Variants in USP32 observed in about 807,000 individuals in gnomAD.
The protein encoded by USP32 is ubiquitin specific peptidase 32, also known as ubiquitin carboxyl-terminal hydrolase 32.
In USP32, 59 loss-of-function variants were observed where a neutral mutation model predicts 204.8. The observed-to-expected ratio is 0.29, with a 90% CI of 0.23 to 0.36. USP32 has a LOEUF of 0.36. USP32 is among the 10% of genes least tolerant of loss of function. The pLI is 1.00. For synonymous variants in USP32, 517 were observed against 678.4 expected (o/e 0.76, Z 3.70); for missense variants, 1,160 against 1,946.4 (o/e 0.60, Z 7.60).
At chr17:60,346,905 A>C (rs1032047700) in intron 1 of USP32, among the ~76,000 whole-genome samples, 1 of 152,244 alleles carries the variant, frequency 6.6e-6, no homozygotes, top group Non-Finnish European at 1.5e-5. Context: ...GGAGTAGCAA[A>C]CGATAAACCT....
At chr17:60,393,415 T>C (rs1179171706), upstream of USP32, among the ~76,000 whole-genome samples, 1 of 152,208 alleles carries the variant, frequency 6.6e-6, no homozygotes, top group African/African-American at 2.4e-5. Flanking sequence ...TAGGAAACCA[T>C]AAATGGAGAA....
At chr17:60,373,016 A>T (rs948310467) in intron 1 of USP32, among the ~76,000 whole-genome samples, 5 of 151,836 alleles carry the variant, frequency 3.3e-5, no homozygotes, top group African/African-American at 1.2e-4. Flanking sequence ...AAAACAAAAA[A>T]ATCAGCCAGG....
intron 27 of USP32, 102 bp from the exon 28 acceptor site, chr17:60,193,032 C>A: frequency 8.2e-7 from 1 of 1,219,554 alleles, no homozygotes; most frequent in South Asian, 1.3e-5. Context: ...GGGCATTTGC[C>A]ATAGCAGTAC....
chr17:60,246,865 C>T (rs569295113), intron 11 of USP32, among the ~76,000 whole-genome samples: 12 of 152,210 alleles, frequency 7.9e-5, no homozygotes, highest in African/African-American at 2.6e-4. Flanking sequence ...AGATCACTTG[C>T]CCATTTTTAA....
chr17:60,199,058 G>C (rs539635578), intron 26 of USP32, among the ~76,000 whole-genome samples: 1 of 151,802 alleles, frequency 6.6e-6, no homozygotes, highest in African/African-American at 2.4e-5. Flanking sequence ...TGAGGGTACA[G>C]TGAGCTGTGA....
chr17:60,365,294 C>T (rs974052610), intron 1 of USP32, among the ~76,000 whole-genome samples: 1 of 151,904 alleles, frequency 6.6e-6, no homozygotes, highest in African/African-American at 2.4e-5. Flanking sequence ...GCCTGGCCAA[C>T]GTGGTGAAAC....
intron 2 of USP32, among the ~76,000 whole-genome samples, chr17:60,316,804 G>A (rs892690785): frequency 2.0e-5 from 3 of 152,108 alleles, no homozygotes; most frequent in African/African-American, 7.2e-5. Flanking sequence ...TCACACTATT[G>A]CACTCCAGCC....
chr17:60,193,034 T>C lies in USP32; in HGVS notation c.3435-104A>G. ...TAACCCTAGGAAGGGGCATTTGCCA[T>C]AGCAGTACGCTCATGTTGACAGCTC... On this transcript the variant is annotated intron_variant, in intron 27 of 33. Transcript: ENST00000300896. The C allele has an allele frequency of 3.3e-6, 4 of 1,205,664 alleles. No individual in the cohort carries two copies. In the South Asian group the frequency reaches 5.2e-5, roughly 16 times the overall value. The allele number at this position is 1,205,664 out of a possible 1,614,324, so 74.7% of individuals were successfully genotyped here.
chr17:60,332,836 C>T (rs183444562), intron 2 of USP32, among the ~76,000 whole-genome samples: 1 of 152,208 alleles, frequency 6.6e-6, no homozygotes, highest in East Asian at 1.9e-4. Flanking sequence ...CAGCATAATG[C>T]TTCTGAGATT....
chr17:60,327,581 G>T (rs1282028164), intron 2 of USP32, among the ~76,000 whole-genome samples: 1 of 152,152 alleles, frequency 6.6e-6, no homozygotes, highest in East Asian at 1.9e-4. Flanking sequence ...GCAGAGAGGG[G>T]CCCAGCGAGG....
chr17:60,307,055 AG>A (rs1202930170), intron 2 of USP32, among the ~76,000 whole-genome samples: 2 of 151,972 alleles, frequency 1.3e-5, no homozygotes, highest in African/African-American at 2.4e-5. Context: ...CAAAATGGAA[AG>A]GTATTCTATG....
At chr17:60,400,330 G>C (rs915373573) in intron 1 of USP32, among the ~76,000 whole-genome samples, 2 of 152,156 alleles carry the variant, frequency 1.3e-5, no homozygotes, top group Non-Finnish European at 2.9e-5. Flanking sequence ...GAGAGGAGAA[G>C]GGACAAAAGG....
In USP32 at chr17:60,421,489, C is replaced by A. The variant is rs111335380; in HGVS notation, c.106+757G>T. On this transcript the variant is annotated intron_variant, in intron 1 of 3. Coordinates refer to the USP32 transcript ENST00000588898. ...AAGGCAGGCGAAGAACAGGGCCACA[C>A]TGAGTGGGGACAACTGGGCCCGGGC... 9 of 985,466 alleles carry A rather than the reference C, an allele frequency of 9.1e-6. No homozygotes were observed. In the East Asian group the frequency reaches 9.1e-4, roughly 100 times the overall value. The allele number at this position is 985,466 out of a possible 1,614,324, so 61.0% of individuals were successfully genotyped here.
chr17:60,264,857 C>CAAAAAAAAAAAAAAAAAAAAAAAAAAAA (rs34027846), intron 9 of USP32, among the ~76,000 whole-genome samples: 1 of 43,514 alleles, frequency 2.3e-5, no homozygotes, highest in Non-Finnish European at 4.5e-5. Flanking sequence ...AAGACTCTGT[C>CAAAAAAAAAAAAAAAAAAAAAAAAAAAA]AAAAAAAAAA....
chr17:60,216,266 G>T (rs1324653871), intron 16 of USP32, among the ~76,000 whole-genome samples: 6 of 140,378 alleles, frequency 4.3e-5, no homozygotes, highest in South Asian at 2.2e-4. Context: ...AATGACAAGA[G>T]ATTATGGAAA....
At chr17:60,411,859 T>C (rs559884504) in intron 1 of USP32, among the ~76,000 whole-genome samples, 75 of 152,342 alleles carry the variant, frequency 4.9e-4, no homozygotes, top group African/African-American at 1.8e-3. Context: ...TGCATGCATA[T>C]ACCACATTTT....
intron 1 of USP32, among the ~76,000 whole-genome samples, chr17:60,363,820 T>C (rs1444231900): frequency 6.6e-6 from 1 of 151,864 alleles, no homozygotes; most frequent in Non-Finnish European, 1.5e-5. Flanking sequence ...CATAAAATTC[T>C]TGTAATTTAT....
At chr17:60,188,274 G>GT (rs566579521) in intron 29 of USP32, among the ~76,000 whole-genome samples, 17 of 151,794 alleles carry the variant, frequency 1.1e-4, no homozygotes, top group Non-Finnish European at 2.1e-4. Context: ...GATTGCCTCT[G>GT]TTTTTTTTCT....
chr17:60,205,148 C>T (rs1333338039), intron 26 of USP32, among the ~76,000 whole-genome samples: 2 of 152,092 alleles, frequency 1.3e-5, no homozygotes, highest in Non-Finnish European at 2.9e-5. Context: ...TATCCTGTTG[C>T]CTCTTAATAT....
Sources: gnomAD v4.1 joint callset for allele counts (sites outside exome capture counted in the v4.1 genomes callset) on GRCh38, gnomAD v4.1.1 for gene constraint, MANE v1.5 for transcripts, NCBI Gene and HGNC (gene_info 2026-07-23, HGNC 2026-07-21) for gene names.